Variants in LY86 observed in about 807,000 individuals in gnomAD.
LY86 encodes the protein MD-1, RP105-associated.
In LY86, 20 loss-of-function variants were observed where a neutral mutation model predicts 17.3. The ratio of observed to expected loss-of-function variants is 1.15; its 90% CI spans 0.81 to 1.68. LY86 has a LOEUF of 1.68. LY86 is among the 40% of genes most tolerant of loss of function. The pLI, the probability that LY86 is intolerant of heterozygous loss-of-function variation, is 0.00. For synonymous variants in LY86, 74 were observed against 70.6 expected, an observed-to-expected ratio of 1.05 and a Z score of -0.24; for missense variants, 200 against 191.9, an observed-to-expected ratio of 1.04 and a Z score of -0.25.
chr6:6,610,150 C>T (rs1333439556), intron 1 of LY86, among the ~76,000 whole-genome samples: 1 of 152,122 alleles, frequency 6.6e-6, no homozygotes, highest in Admixed American at 6.5e-5. Context: ...CGAACACGTG[C>T]GTGCGTGTGA....
At chr6:6,643,836 A>G (rs563605585) in intron 3 of LY86, among the ~76,000 whole-genome samples, 1 of 152,370 alleles carries the variant, frequency 6.6e-6, no homozygotes, top group Admixed American at 6.5e-5. Context: ...ACTTAAATAT[A>G]TACAATTTTT....
At chr6:6,608,194 T>C (rs890884987) in intron 1 of LY86, among the ~76,000 whole-genome samples, 10 of 152,216 alleles carry the variant, frequency 6.6e-5, no homozygotes, top group African/African-American at 2.2e-4. Flanking sequence ...AAAGAAAATG[T>C]TAAAGGATTT....
chr6:6,601,423 G>A (rs1254548705), intron 1 of LY86, among the ~76,000 whole-genome samples: 1 of 152,174 alleles, frequency 6.6e-6, no homozygotes, highest in East Asian at 1.9e-4. Flanking sequence ...ATAGAAAGCA[G>A]TTGCAATATA....
chr6:6,611,447 G>A (rs953241346), intron 1 of LY86, among the ~76,000 whole-genome samples: 4 of 152,154 alleles, frequency 2.6e-5, no homozygotes, highest in Admixed American at 1.3e-4. Flanking sequence ...TACATACGTA[G>A]GGCTCAGAAC....
At chr6:6,635,559 G>C (rs1761948038) in intron 3 of LY86, among the ~76,000 whole-genome samples, 2 of 152,172 alleles carry the variant, frequency 1.3e-5, no homozygotes, top group South Asian at 4.1e-4. Flanking sequence ...ATTGTCTACT[G>C]TACATGTTTT....
chr6:6,588,732 AC>A lies in LY86; in HGVS notation c.-1del, dbSNP rs753939419. 1 of 1,614,008 alleles carries A rather than the reference AC, an allele frequency of 6.2e-7. No homozygotes were observed. Among genetic ancestry groups the A allele is most frequent in the South Asian group, 1.1e-5 (1 of 91,064 alleles). ...TTCTGTGTGTCCCATACAGGCCCCC[AC>A]CATGAAGGGTTTCACAGCCACTCTC... On this transcript the variant is annotated 5_prime_UTR_variant, in exon 1 of 5. Transcript: ENST00000230568.
chr6:6,613,340 C>A (rs535732466), intron 1 of LY86, among the ~76,000 whole-genome samples: 2 of 152,212 alleles, frequency 1.3e-5, no homozygotes, highest in Admixed American at 6.5e-5. Flanking sequence ...CGCTGCTCGT[C>A]GGGGAGGCTT....
intron 1 of LY86, among the ~76,000 whole-genome samples, chr6:6,614,878 A>G (rs1162030952): frequency 6.6e-6 from 1 of 152,188 alleles, no homozygotes; most frequent in African/African-American, 2.4e-5. Flanking sequence ...CAGGGGAAAC[A>G]TGGTGTCCTG....
At chr6:6,614,240 TGA>T (rs369548079) in intron 1 of LY86, among the ~76,000 whole-genome samples, 33 of 152,268 alleles carry the variant, frequency 2.2e-4, no homozygotes, top group African/African-American at 5.5e-4. Context: ...CCAAAATTGC[TGA>T]GAGTGTGAAC....
At chr6:6,630,021 G>A (rs1188070941) in intron 3 of LY86, among the ~76,000 whole-genome samples, 1 of 152,194 alleles carries the variant, frequency 6.6e-6, no homozygotes, top group African/African-American at 2.4e-5. Flanking sequence ...TAAAATGTGT[G>A]TAAGTGTATA....
intron 3 of LY86, among the ~76,000 whole-genome samples, chr6:6,636,806 G>A (rs1358531343): frequency 1.3e-5 from 2 of 151,172 alleles, no homozygotes; most frequent in Non-Finnish European, 2.9e-5. Context: ...TAAATACCAG[G>A]CAGCTGCTGC....
At chr6:6,613,512 G>C (rs951644257) in intron 1 of LY86, among the ~76,000 whole-genome samples, 6 of 152,170 alleles carry the variant, frequency 3.9e-5, no homozygotes, top group Non-Finnish European at 8.8e-5. Context: ...CTCACTGCCC[G>C]GGGCTTGCTG....
chr6:6,632,187 T>C (rs912623498), intron 3 of LY86, among the ~76,000 whole-genome samples: 6 of 152,094 alleles, frequency 3.9e-5, no homozygotes, highest in South Asian at 2.1e-4. Flanking sequence ...AAAATTAGAT[T>C]TGGGGCAAAA....
intron 3 of LY86, among the ~76,000 whole-genome samples, chr6:6,643,785 C>T (rs973583128): frequency 2.0e-5 from 3 of 152,320 alleles, no homozygotes; most frequent in South Asian, 4.1e-4. Flanking sequence ...CACACACACA[C>T]GAAAGGTGAC....
At chr6:6,627,704 G>C (rs11967114) in intron 3 of LY86, among the ~76,000 whole-genome samples, 19,521 of 151,994 alleles carry the variant, frequency 0.13, 1,410 homozygotes, top group African/African-American at 0.18. Flanking sequence ...TTGAGCATTC[G>C]TACCAGGCCC....
chr6:6,613,506 C>T (rs1189709113), intron 1 of LY86, among the ~76,000 whole-genome samples: 1 of 152,222 alleles, frequency 6.6e-6, no homozygotes, highest in Non-Finnish European at 1.5e-5. Flanking sequence ...AAGCTCCTCA[C>T]TGCCCGGGGC....
At chr6:6,636,348 G>C (rs1326161218) in intron 3 of LY86, among the ~76,000 whole-genome samples, 1 of 152,196 alleles carries the variant, frequency 6.6e-6, no homozygotes, top group Non-Finnish European at 1.5e-5. Flanking sequence ...TAGTCATAAG[G>C]ATAAAATGGG....
chr6:6,644,324 G>A (rs930170518), intron 3 of LY86, among the ~76,000 whole-genome samples: 12 of 152,156 alleles, frequency 7.9e-5, no homozygotes, highest in African/African-American at 2.7e-4. Context: ...AGGAGTTGGA[G>A]ACCAGCCTGG....
At chr6:6,616,965 G>A (rs1761570605) in intron 1 of LY86, among the ~76,000 whole-genome samples, 1 of 152,240 alleles carries the variant, frequency 6.6e-6, no homozygotes. Flanking sequence ...CTGTCCCTAA[G>A]CCAGGCTCTC....
Sources: allele counts gnomAD v4.1 joint callset (sites outside exome capture counted in the v4.1 genomes callset), GRCh38; gene constraint gnomAD v4.1.1; transcripts MANE v1.5; gene names NCBI Gene and HGNC (gene_info 2026-07-23, HGNC 2026-07-21).